C16orf89: variants seen among roughly 807,000 people sequenced by gnomAD.
C16orf89 encodes chromosome 16 open reading frame 89, also known as UPF0764 protein C16orf89.
In C16orf89, 57 loss-of-function variants were observed where a neutral mutation model predicts 41.5. The observed-to-expected ratio is 1.38, with a 90% CI of 1.11 to 1.71. C16orf89 has a LOEUF of 1.71. Among genes scored for constraint, C16orf89 ranks in the 40% most tolerant of loss-of-function variants. C16orf89 has a pLI of 0.00. For synonymous variants in C16orf89, 223 were observed against 190.6 expected, an observed-to-expected ratio of 1.17 and a Z score of -1.40; for missense variants, 575 against 445.9, an observed-to-expected ratio of 1.29 and a Z score of -2.61.
intron 6 of C16orf89, among the ~76,000 whole-genome samples, chr16:5,052,504 T>C (rs941012344): frequency 4.6e-5 from 7 of 151,786 alleles, no homozygotes; most frequent in African/African-American, 1.7e-4. Context: ...GGCTGGAGAA[T>C]CTCTTGAACC....
chr16:5,045,133 T>C (rs1051223846), intron 7 of C16orf89, among the ~76,000 whole-genome samples: 1 of 152,224 alleles, frequency 6.6e-6, no homozygotes, highest in Admixed American at 6.5e-5. Flanking sequence ...CCTGTCCAGC[T>C]CCTGCCTGGC....
At chr16:5,045,031 C>G (rs1956270116) in intron 7 of C16orf89, among the ~76,000 whole-genome samples, 1 of 152,150 alleles carries the variant, frequency 6.6e-6, no homozygotes, top group Admixed American at 6.5e-5. Context: ...AAAAGCCTGG[C>G]CACCTTGGCC....
intron 2 of C16orf89, among the ~76,000 whole-genome samples, chr16:5,061,211 G>A (rs1260088438): frequency 1.5e-5 from 2 of 137,440 alleles, no homozygotes; most frequent in African/African-American, 5.5e-5. Flanking sequence ...GCAGTGAGCC[G>A]AGATTGCACC....
intron 6 of C16orf89, among the ~76,000 whole-genome samples, chr16:5,053,626 G>A (rs576690925): frequency 1.3e-5 from 2 of 151,436 alleles, no homozygotes; most frequent in South Asian, 2.1e-4. Context: ...CTGCAGCCTC[G>A]GCCTCCTGCT....
At chr16:5,047,992 T>G (rs1204443003) in intron 6 of C16orf89, 28 bp from the exon 7 acceptor site, 2 of 1,173,754 alleles carry the variant, frequency 1.7e-6, no homozygotes, top group African/African-American at 3.0e-5. Context: ...GTTGAACTTC[T>G]CAAGAGAGAT....
At chr16:5,048,549 T>A (rs1956343385) in intron 6 of C16orf89, among the ~76,000 whole-genome samples, 1 of 152,174 alleles carries the variant, frequency 6.6e-6, no homozygotes, top group African/African-American at 2.4e-5. Context: ...AGGTGCCTGT[T>A]AAAAATGGAA....
In C16orf89 at chr16:5,055,938, CGTGTGTGTGTGTGTGTGTGTGTGT is replaced by C. The variant is rs531301214; in HGVS notation, c.763+91_763+114del. The stretch of plus-strand genomic sequence containing the variant: ...TTTTACTTGCTTAATCTGGCAACTC[CGTGTGTGTGTGTGTGTGTGTGTGT>C]GTGTGTGTGTGTGTGTGTGTGTGTG... On this transcript the variant is annotated intron_variant, in intron 5 of 7. Coordinates refer to ENST00000472572, the MANE Select transcript of C16orf89 (RefSeq NM_001098514.3). 2,903 of 907,940 alleles carry C rather than the reference CGTGTGTGTGTGTGTGTGTGTGTGT, an allele frequency of 3.2e-3. 22 individuals carry two copies. The highest frequency in any genetic ancestry group is 0.024 in the African/African-American group (1,213 of 50,886). 56.2% of individuals were successfully genotyped at this position (907,940 alleles called of 1,614,324 possible).
intron 6 of C16orf89, among the ~76,000 whole-genome samples, chr16:5,052,088 C>G (rs1424997438): frequency 9.5e-6 from 1 of 104,884 alleles, no homozygotes; most frequent in African/African-American, 3.9e-5. Context: ...GGTGACAGAA[C>G]GAGACTGTCT....
At chr16:5,057,076 A>G (rs1956523227) in intron 4 of C16orf89, among the ~76,000 whole-genome samples, 1 of 151,830 alleles carries the variant, frequency 6.6e-6, no homozygotes, top group Non-Finnish European at 1.5e-5. Flanking sequence ...CATCTCTACT[A>G]AAAATACAAA....
intron 7 of C16orf89, among the ~76,000 whole-genome samples, chr16:5,046,492 A>G (rs1410923109): frequency 6.6e-6 from 1 of 151,966 alleles, no homozygotes; most frequent in Non-Finnish European, 1.5e-5. Flanking sequence ...GCGGGATTAC[A>G]GGCATGCACC....
chr16:5,054,755 C>G (rs898006740), intron 6 of C16orf89, among the ~76,000 whole-genome samples: 3 of 152,118 alleles, frequency 2.0e-5, no homozygotes, highest in Admixed American at 1.3e-4. Context: ...TCCCCCATAC[C>G]GTTCTCACGG....
At chr16:5,056,730 C>T (rs1315965233) in intron 4 of C16orf89, among the ~76,000 whole-genome samples, 1 of 152,222 alleles carries the variant, frequency 6.6e-6, no homozygotes, top group Non-Finnish European at 1.5e-5. Context: ...GTCAGAGTTA[C>T]TTTCCACCTG....
rs1400469174 is a variant in C16orf89 at position 5,044,148 on chromosome 16, C to T, written c.*200G>A. 58 of 1,292,848 alleles carry T rather than the reference C, an allele frequency of 4.5e-5. No individual in the cohort carries two copies. Among genetic ancestry groups the T allele is most frequent in the South Asian group, 1.5e-4 (6 of 40,524 alleles). The allele number at this position is 1,292,848 out of a possible 1,614,324, so 80.1% of individuals were successfully genotyped here. ...CAGTTGCAGTTGAACTTTATTCATC[C>T]GTTCACACCTGGGTCCCTCCCGGCC... On this transcript the variant is annotated 3_prime_UTR_variant, in exon 8 of 8. Coordinates refer to ENST00000472572, the MANE Select transcript of C16orf89 (RefSeq NM_001098514.3).
At chr16:5,047,852 GA>G in intron 7 of C16orf89, 25 bp downstream of exon 7, 1 of 1,349,018 alleles carries the variant, frequency 7.4e-7, no homozygotes, top group Non-Finnish European at 1.1e-6. Flanking sequence ...TTCATGTCAA[GA>G]AACTCCCTTG....
chr16:5,049,035 C>T (rs1956352801), intron 6 of C16orf89, among the ~76,000 whole-genome samples: 1 of 152,092 alleles, frequency 6.6e-6, no homozygotes, highest in African/African-American at 2.4e-5. Context: ...AGATCTTCCA[C>T]ATAAATGGAA....
chr16:5,049,539 T>C (rs1956360024), intron 6 of C16orf89, among the ~76,000 whole-genome samples: 2 of 152,072 alleles, frequency 1.3e-5, no homozygotes, highest in Admixed American at 1.3e-4. Context: ...TAGAAATCAA[T>C]AACAAGAGGA....
chr16:5,055,984 T>C lies in C16orf89; in HGVS notation c.763+69A>G, dbSNP rs1312564840. 3.2e-5 allele frequency: 33 copies of C among 1,043,484 alleles called. No homozygotes were observed. The Admixed American group carries it at 5.9e-4, about 19-fold the overall frequency. The allele number at this position is 1,043,484 out of a possible 1,614,324, so 64.6% of individuals were successfully genotyped here. ...GTGTGTGTGTGTGTGTGTGTGTGTG[T>C]GTGTGTGTGTGTGTGTTGGTGGGGG... On this transcript the variant is annotated intron_variant, in intron 5 of 7. Transcript: ENST00000472572.
chr16:5,050,410 G>A (rs926381860), intron 6 of C16orf89, among the ~76,000 whole-genome samples: 1 of 151,828 alleles, frequency 6.6e-6, no homozygotes, highest in East Asian at 1.9e-4. Flanking sequence ...TAAATTGCTG[G>A]ACACATACGA....
Position 5,044,254 on chromosome 16 carries a change from T to C in C16orf89, c.*94A>G. 6.8e-7 allele frequency: 1 copy of C among 1,465,504 alleles called. No homozygotes were observed. The highest frequency in any genetic ancestry group is 1.4e-5 in the African/African-American group (1 of 69,492). The allele number at this position is 1,465,504 out of a possible 1,614,324, so 90.8% of individuals were successfully genotyped here. A position where few individuals can be genotyped will look rare whatever the true frequency, so the allele number is the denominator to read the frequency against. ...CTTTGCTTATCCTCCAGATGCCTTC[T>C]TCCCAGGATGTGATCCGTGCCCTCC... On this transcript the variant is annotated 3_prime_UTR_variant, in exon 8 of 8. Coordinates refer to ENST00000472572, the MANE Select transcript of C16orf89 (RefSeq NM_001098514.3).
Sources: allele counts gnomAD v4.1 joint callset (sites outside exome capture counted in the v4.1 genomes callset), GRCh38; gene constraint gnomAD v4.1.1; transcripts MANE v1.5; gene names NCBI Gene and HGNC (gene_info 2026-07-23, HGNC 2026-07-21).